The following SEMA3C variants were observed in gnomAD, a reference collection of about 807,000 sequenced individuals.
SEMA3C encodes semaphorin-3C.
In SEMA3C, 47 loss-of-function variants were observed where a neutral mutation model predicts 89.4. The ratio of observed to expected loss-of-function variants is 0.53; its 90% confidence interval spans 0.42 to 0.67. The LOEUF (loss-of-function observed/expected upper bound fraction) is 0.67, where lower values mean the gene tolerates loss of function less well. Among genes scored for constraint, SEMA3C ranks in the 30% least tolerant of loss-of-function variants. SEMA3C has a pLI of 0.00. For missense variants in SEMA3C, 839 were observed against 929.1 expected (o/e 0.90, Z 1.26); for synonymous variants, 310 against 320.2 (o/e 0.97, Z 0.34).
At chr7:80,749,116 T>C in intron 16 of SEMA3C, 88 bp from the exon 17 acceptor site, 1 of 1,295,818 alleles carries the variant, frequency 7.7e-7, no homozygotes. Flanking sequence ...TATATACATG[T>C]TTATTTTTAT....
chr7:80,908,289 G>A (rs767140397), intron 2 of SEMA3C, among the ~76,000 whole-genome samples: 17 of 152,188 alleles, frequency 1.1e-4, no homozygotes, highest in Non-Finnish European at 1.9e-4. Context: ...CTTCAGACCC[G>A]TTGTGTTCAC....
chr7:80,858,343 G>A (rs1230023823), intron 2 of SEMA3C, among the ~76,000 whole-genome samples: 1 of 152,096 alleles, frequency 6.6e-6, no homozygotes, highest in Non-Finnish European at 1.5e-5. Flanking sequence ...GACCAAATAT[G>A]TTTGCCTGTA....
At chr7:80,845,235 T>C (rs144678196) in intron 2 of SEMA3C, among the ~76,000 whole-genome samples, 18 of 152,108 alleles carry the variant, frequency 1.2e-4, no homozygotes, top group African/African-American at 3.6e-4. Context: ...AATTTGGAAA[T>C]GGGAGACAAA....
intron 11 of SEMA3C, among the ~76,000 whole-genome samples, chr7:80,792,228 C>T (rs1206295885): frequency 2.6e-5 from 4 of 152,124 alleles, no homozygotes; most frequent in Admixed American, 2.0e-4. Flanking sequence ...AGCTGATGAA[C>T]GTGTTCCATA....
intron 2 of SEMA3C, among the ~76,000 whole-genome samples, chr7:80,837,988 A>G (rs563388541): frequency 6.6e-6 from 1 of 152,302 alleles, no homozygotes; most frequent in South Asian, 2.1e-4. Flanking sequence ...GTTCATTCAC[A>G]TTCTACCATT....
At chr7:80,865,164 G>C (rs1457328941) in intron 2 of SEMA3C, among the ~76,000 whole-genome samples, 2 of 152,060 alleles carry the variant, frequency 1.3e-5, no homozygotes, top group Non-Finnish European at 2.9e-5. Context: ...TCTTAAAAAG[G>C]TCACTTAAAG....
chr7:80,869,657 G>GT (rs1791011179), intron 2 of SEMA3C, among the ~76,000 whole-genome samples: 1 of 152,132 alleles, frequency 6.6e-6, no homozygotes, highest in African/African-American at 2.4e-5. Context: ...TGATTAACAT[G>GT]TTTTCCTCCT....
chr7:80,908,194 A>AT (rs1432919759), intron 2 of SEMA3C, among the ~76,000 whole-genome samples: 1 of 152,100 alleles, frequency 6.6e-6, no homozygotes, highest in African/African-American at 2.4e-5. Context: ...ACTTGACTCA[A>AT]TTACAAGGAA....
At chr7:80,795,574 G>A (rs1196955565) in intron 11 of SEMA3C, among the ~76,000 whole-genome samples, 2 of 152,168 alleles carry the variant, frequency 1.3e-5, no homozygotes, top group African/African-American at 4.8e-5. Flanking sequence ...AAAAAACAGT[G>A]AAAAGTGGGA....
chr7:80,903,558 AGGC>A (rs1168346411), intron 2 of SEMA3C, among the ~76,000 whole-genome samples: 1 of 152,148 alleles, frequency 6.6e-6, no homozygotes, highest in Non-Finnish European at 1.5e-5. Flanking sequence ...GCTACTCAGG[AGGC>A]TGAGACAGGA....
At chr7:80,852,982 T>A (rs139796753) in intron 2 of SEMA3C, among the ~76,000 whole-genome samples, 32 of 152,138 alleles carry the variant, frequency 2.1e-4, no homozygotes, top group Admixed American at 2.1e-3. Context: ...CTGGACTGAA[T>A]AGACATTTTT....
chr7:80,833,225 G>T (rs1457028915), intron 2 of SEMA3C, among the ~76,000 whole-genome samples: 1 of 150,534 alleles, frequency 6.6e-6, no homozygotes, highest in Non-Finnish European at 1.5e-5. Context: ...ACGAGGTCAG[G>T]AGATCGAGAC....
At chr7:80,753,235 A>C (rs2117037012) in intron 15 of SEMA3C, among the ~76,000 whole-genome samples, 1 of 152,304 alleles carries the variant, frequency 6.6e-6, no homozygotes, top group African/African-American at 2.4e-5. Flanking sequence ...TATGATTAAT[A>C]TGGTAGTGTA....
intron 2 of SEMA3C, among the ~76,000 whole-genome samples, chr7:80,830,842 G>A (rs573522047): frequency 1.3e-5 from 2 of 152,108 alleles, no homozygotes; most frequent in African/African-American, 4.8e-5. Flanking sequence ...AGGAGAGCAC[G>A]TAAGGGGAGA....
chr7:80,822,982 G>T (rs1436059632), intron 4 of SEMA3C, among the ~76,000 whole-genome samples: 4 of 152,138 alleles, frequency 2.6e-5, no homozygotes, highest in Admixed American at 2.6e-4. Flanking sequence ...AAATAAATAT[G>T]ATGCATGCTT....
rs539742273 is a variant in SEMA3C at position 80,805,805 on chromosome 7, T to C, written c.539-47A>G. 17 of 1,456,970 alleles carry C rather than the reference T, an allele frequency of 1.2e-5. No individual in the cohort carries two copies. The East Asian group carries it at 3.5e-4, about 30-fold the overall frequency. 90.3% of individuals were successfully genotyped at this position (1,456,970 alleles called of 1,614,324 possible). On this transcript the variant is annotated intron_variant, in intron 6 of 17. Transcript: ENST00000265361. ...TGAAATGTAAATTTTTAAAGCTATTTTGAAATTCTAGGTGAGTTTATTTAT... is the reference window on the plus strand; with the variant it reads ...TGAAATGTAAATTTTTAAAGCTATTCTGAAATTCTAGGTGAGTTTATTTAT...
intron 8 of SEMA3C, among the ~76,000 whole-genome samples, chr7:80,803,016 T>C (rs1052843321): frequency 6.6e-6 from 1 of 152,186 alleles, no homozygotes; most frequent in Non-Finnish European, 1.5e-5. Flanking sequence ...ATTTGATAAA[T>C]GTGTGACATA....
chr7:80,801,178 G>A (rs1789198517), intron 9 of SEMA3C, among the ~76,000 whole-genome samples: 1 of 151,942 alleles, frequency 6.6e-6, no homozygotes, highest in South Asian at 2.1e-4. Context: ...TGTTACAAGA[G>A]GCAAAGCTGT....
rs12539563 is a variant in SEMA3C, at chr7:80,744,195, A to G, written c.*699T>C. On this transcript the variant is annotated 3_prime_UTR_variant, in exon 18 of 18. Coordinates refer to ENST00000265361, the MANE Select transcript of SEMA3C (RefSeq NM_006379.5). ...GGAAGGTGATAACATAAGAATATAA[A>G]CCAAACTGCTTCACTGATATAACTC... 6.6e-6 allele frequency: 1 copy of G among 152,114 alleles called. No homozygotes were observed. The highest frequency in any genetic ancestry group is 2.4e-5 in the African/African-American group (1 of 41,436). 9.4% of individuals were successfully genotyped at this position (152,114 alleles called of 1,614,324 possible).
Sources: allele counts gnomAD v4.1 joint callset (sites outside exome capture counted in the v4.1 genomes callset), GRCh38; gene constraint gnomAD v4.1.1; transcripts MANE v1.5; gene names NCBI Gene and HGNC (gene_info 2026-07-23, HGNC 2026-07-21).